TUT4: variants seen among roughly 807,000 people sequenced by gnomAD.
The protein encoded by TUT4 is terminal uridylyl transferase 4.
TUT4 carries 36 observed loss-of-function variants against 192.2 expected under a neutral mutation model. The observed-to-expected ratio is 0.19, with a 90% CI of 0.14 to 0.25. The LOEUF (loss-of-function observed/expected upper bound fraction) is 0.25. TUT4 is among the 10% of genes least tolerant of loss of function. TUT4 has a pLI of 1.00. For missense variants in TUT4, 1,493 were observed against 1,957.2 expected (o/e 0.76, Z 4.47); for synonymous variants, 618 against 666.0 (o/e 0.93, Z 1.11).
chr1:52,463,489 A>C, intron 16 of TUT4: 1 of 1,057,852 alleles, frequency 9.5e-7, no homozygotes. Flanking sequence ...ACCACCGTTC[A>C]AAAGAATGAT....
In TUT4 at chr1:52,552,989, T is replaced by C; in HGVS notation, c.-152A>G. 6.4e-6 allele frequency: 1 copy of C among 156,250 alleles called. No individual in the cohort carries two copies. Among genetic ancestry groups the C allele is most frequent in the Non-Finnish European group, 1.4e-5 (1 of 70,916 alleles). The allele number at this position is 156,250 out of a possible 1,614,324, so 9.7% of individuals were successfully genotyped here. A position where few individuals can be genotyped will look rare whatever the true frequency, so the allele number is the denominator to read the frequency against. On this transcript the variant is annotated 5_prime_UTR_variant, in exon 1 of 30. Coordinates refer to ENST00000257177, the MANE Select transcript of TUT4 (RefSeq NM_001009881.3). Reference sequence around the variant, plus strand: ...GCCTCCTCATCTCAGTGGCTCCTGCTCTCCCTCCGCCTCCTGCTGCCGCCG... The same window carrying C: ...GCCTCCTCATCTCAGTGGCTCCTGCCCTCCCTCCGCCTCCTGCTGCCGCCG...
intron 1 of TUT4, among the ~76,000 whole-genome samples, chr1:52,530,095 G>A (rs187802139): frequency 2.6e-5 from 4 of 151,956 alleles, no homozygotes; most frequent in East Asian, 3.9e-4. Flanking sequence ...CTCCTGCCTC[G>A]GCTTCCCAAA....
At chr1:52,546,610 A>G (rs1417282872) in intron 1 of TUT4, among the ~76,000 whole-genome samples, 1 of 152,216 alleles carries the variant, frequency 6.6e-6, no homozygotes, top group Non-Finnish European at 1.5e-5. Context: ...ATGGATGGTG[A>G]TGATGGCTGC....
At chr1:52,436,626 T>G in intron 26 of TUT4, 129 bp downstream of exon 26, 1 of 1,423,780 alleles carries the variant, frequency 7.0e-7, no homozygotes, top group Non-Finnish European at 9.5e-7. Flanking sequence ...TTTTATCTCT[T>G]TAAGAAATTG....
intron 14 of TUT4, chr1:52,468,482 G>A (rs539405688): frequency 1.1e-5 from 5 of 447,380 alleles, no homozygotes; most frequent in South Asian, 3.4e-5. Context: ...GGGAAGAAAC[G>A]AAAATAAATG....
At chr1:52,543,641 GC>G (rs1236680290) in intron 1 of TUT4, among the ~76,000 whole-genome samples, 1 of 151,744 alleles carries the variant, frequency 6.6e-6, no homozygotes, top group Non-Finnish European at 1.5e-5. Context: ...CTGCCACTGG[GC>G]CCAGGTAATT....
chr1:52,532,517 G>T (rs1039822578), intron 1 of TUT4, among the ~76,000 whole-genome samples: 1 of 151,944 alleles, frequency 6.6e-6, no homozygotes, highest in Non-Finnish European at 1.5e-5. Context: ...TCACCATGTT[G>T]CCCAGGCTGT....
At chr1:52,457,002 C>T (rs1661165557) in intron 20 of TUT4, among the ~76,000 whole-genome samples, 1 of 152,080 alleles carries the variant, frequency 6.6e-6, no homozygotes, top group Non-Finnish European at 1.5e-5. Context: ...CTCAATTTTG[C>T]TGTGAACTTA....
At chr1:52,528,858 G>A (rs1250859648) in intron 1 of TUT4, among the ~76,000 whole-genome samples, 1 of 151,890 alleles carries the variant, frequency 6.6e-6, no homozygotes, top group Non-Finnish European at 1.5e-5. Context: ...AAGAACACAG[G>A]CGCACACCAC....
rs1666717236 is a variant in TUT4, at chr1:52,474,952, T to C, written c.2607A>G (p.Thr869=). ...CTTTGCAGTTGCAAGAGGTAGCAGATGTGTCGGTGCACACACTCTGATGTG... is the reference window on the plus strand; with the variant it reads ...CTTTGCAGTTGCAAGAGGTAGCAGACGTGTCGGTGCACACACTCTGATGTG... ...ESSHQSVCTD[T]SATSCNCKAT... Residue 869 remains threonine (T), a synonymous_variant, in exon 13 of 30, where the codon ACA becomes ACG. Transcript: ENST00000257177. The C allele has an allele frequency of 6.2e-7, 1 of 1,614,094 alleles. No individual in the cohort carries two copies. Among genetic ancestry groups the C allele is most frequent in the Admixed American group, 1.7e-5 (1 of 60,004 alleles).
At chr1:52,513,393 C>CAAAAAAAAAAAAAAAAAAAA (rs554170439) in intron 3 of TUT4, among the ~76,000 whole-genome samples, 2 of 42,114 alleles carry the variant, frequency 4.7e-5, no homozygotes, top group African/African-American at 3.5e-4. Context: ...GACCCTGTCT[C>CAAAAAAAAAAAAAAAAAAAA]AAAAAAAAAA....
At chr1:52,441,314 CGT>C (rs1655460425) in intron 24 of TUT4, among the ~76,000 whole-genome samples, 1 of 135,780 alleles carries the variant, frequency 7.4e-6, no homozygotes, top group African/African-American at 2.8e-5. Flanking sequence ...GACAGAGTGT[CGT>C]TCTGTTGCCC....
chr1:52,475,547 G>A lies in TUT4; in HGVS notation c.2024-12C>T. ...GACTGAAAATGGATCTAGCAAAAGA[G>A]AAAATGGTAAATAGCTAAGTCTCTA... On this transcript the variant is annotated splice_polypyrimidine_tract_variant and intron_variant, in intron 12 of 29. Transcript: ENST00000257177. 1 of 1,592,984 alleles carries A rather than the reference G, an allele frequency of 6.3e-7. No individual in the cohort carries two copies. Among genetic ancestry groups the A allele is most frequent in the Non-Finnish European group, 8.5e-7 (1 of 1,169,648 alleles).
chr1:52,531,672 C>T (rs72905607), intron 1 of TUT4, among the ~76,000 whole-genome samples: 68 of 152,108 alleles, frequency 4.5e-4, no homozygotes, highest in African/African-American at 1.6e-3. Flanking sequence ...TGTTTAATTG[C>T]ATCATACTTT....
intron 24 of TUT4, among the ~76,000 whole-genome samples, chr1:52,441,592 C>T (rs914216347): frequency 4.0e-5 from 6 of 151,640 alleles, no homozygotes; most frequent in Admixed American, 3.3e-4. Flanking sequence ...CGCGCCTGGC[C>T]GGCATACTGC....
At chr1:52,491,903 T>C (rs565738994) in intron 7 of TUT4, among the ~76,000 whole-genome samples, 54 of 152,280 alleles carry the variant, frequency 3.5e-4, no homozygotes, top group African/African-American at 1.2e-3. Context: ...GACACAAATA[T>C]ATAAACATAT....
intron 1 of TUT4, among the ~76,000 whole-genome samples, chr1:52,539,674 T>A (rs560085918): frequency 6.8e-6 from 1 of 147,840 alleles, no homozygotes; most frequent in South Asian, 2.2e-4. Flanking sequence ...CCTGAAATGC[T>A]CATGACCTCA....
At chr1:52,504,319 G>T (rs1674929352) in intron 4 of TUT4, among the ~76,000 whole-genome samples, 1 of 152,110 alleles carries the variant, frequency 6.6e-6, no homozygotes, top group African/African-American at 2.4e-5. Flanking sequence ...ACAGAAGCCA[G>T]GGTGAGTGAC....
chr1:52,512,908 A>AAC (rs1553209439), intron 3 of TUT4, among the ~76,000 whole-genome samples: 4 of 151,696 alleles, frequency 2.6e-5, no homozygotes, highest in East Asian at 3.9e-4. Context: ...TAAAAAAAAA[A>AAC]CAAAAACCTG....
Sources: allele counts gnomAD v4.1 joint callset (sites outside exome capture counted in the v4.1 genomes callset), GRCh38; gene constraint gnomAD v4.1.1; transcripts MANE v1.5; gene names NCBI Gene and HGNC (gene_info 2026-07-23, HGNC 2026-07-21).